Variants in MUC12 observed in about 807,000 individuals in gnomAD.
The protein encoded by MUC12 is mucin 12, cell surface associated.
A neutral mutation model predicts 230.8 loss-of-function variants in MUC12; 172 were observed. That is an observed-to-expected ratio of 0.75 (90% CI 0.66 to 0.85). MUC12 has a LOEUF of 0.85. Among genes scored for constraint, MUC12 ranks in the 40% least tolerant of loss-of-function variants. The pLI, the probability that MUC12 is intolerant of heterozygous loss-of-function variation, is 0.00. For missense variants in MUC12, 3,506 were observed against 5,920.6 expected (o/e 0.59, Z 13.38); for synonymous variants, 1,259 against 2,401.9 (o/e 0.52, Z 13.91).
rs1262796671 is a variant in MUC12, at chr7:101,014,059, A to C, written c.15785A>C (p.Gln5262Pro). Residue 5262 changes from glutamine (Q) to proline (P), a missense_variant, in exon 9 of 12, where the codon CAG (glutamine) becomes CCG (proline). Physicochemically the swap from Gln to Pro is moderately conservative, Grantham distance 76. Transcript: ENST00000536621. ...CTAATCATCTTATTCAGCCTATCCCAGAGAAAACGGCACAGGTGAGCTTGT... is the reference window on the plus strand; with the variant it reads ...CTAATCATCTTATTCAGCCTATCCCCGAGAAAACGGCACAGGTGAGCTTGT... ...IILIILFSLS[Q>P]RKRHREQYDV... 1 of 1,534,352 alleles carries C rather than the reference A, an allele frequency of 6.5e-7. No individual in the cohort carries two copies. The highest frequency in any genetic ancestry group is 1.4e-5 in the African/African-American group (1 of 72,954).
At chr7:101,009,323 T>C (rs927631104) in intron 5 of MUC12, among the ~76,000 whole-genome samples, 164 bp downstream of exon 5, 2 of 152,166 alleles carry the variant, frequency 1.3e-5, no homozygotes, top group African/African-American at 4.8e-5. Context: ...TCATTCTTCA[T>C]TCATTCATCC....
rs185061439 is a variant in MUC12, at chr7:101,008,579, G to C, written c.15059-55G>C. The C allele has an allele frequency of 7.8e-5, 118 of 1,517,350 alleles. 1 individual carries two copies. The African/African-American group carries it at 1.2e-3, about 15-fold the overall frequency. 94.0% of individuals were successfully genotyped at this position (1,517,350 alleles called of 1,614,324 possible). The stretch of plus-strand genomic sequence containing the variant: ...CACAGGCAGAGAATGTATCAATCCT[G>C]GGGGACATTATTGGGAGGTCGCTGT... On this transcript the variant is annotated intron_variant, in intron 3 of 11. Transcript: ENST00000536621.
Position 101,012,320 on chromosome 7 carries a change from C to T in MUC12, c.15276C>T (p.Asn5092=), listed in dbSNP as rs747508889. 8 of 1,537,210 alleles carry T rather than the reference C, an allele frequency of 5.2e-6. No homozygotes were observed. The highest frequency in any genetic ancestry group is 2.4e-5 in the East Asian group (1 of 40,916). The change falls in exon 6 of 12, where the codon AAC becomes AAT. Residue 5092 remains asparagine, a synonymous_variant. Coordinates refer to ENST00000536621, the MANE Select transcript of MUC12 (RefSeq NM_001164462.2). ...GCAACGGTAGCATCGTGGTCAAGAA[C>T]GATGTCATCCTGGAGGCAGACTACA... is the stretch of plus-strand genomic sequence containing the variant. ...RLLNGSIVVK[N]DVILEADYTL...
rs201703872 is a variant in MUC12 at position 100,991,969 on chromosome 7, C to A, written c.1406C>A (p.Pro469His). The A allele has an allele frequency of 1.6e-3, 2,522 of 1,536,772 alleles. No homozygotes were observed. Among genetic ancestry groups the A allele is most frequent in the Non-Finnish European group, 2.0e-3 (2,348 of 1,145,976 alleles). The stretch of plus-strand genomic sequence containing the variant: ...CTTGTTGGAGACTCGACGCCCTCAC[C>A]CATCAGTTCAGGCTCAATGGAAACC... Reference protein sequence around the residue: ...SVLVGDSTPSPISSGSMETTA... With the variant: ...SVLVGDSTPSHISSGSMETTA... Residue 469 changes from proline (P) to histidine (H), a missense_variant, in exon 2 of 12, where the codon CCC (proline) becomes CAC (histidine). Transcript: ENST00000536621.
chr7:100,971,413 G>A (rs1364018840), intron 1 of MUC12, among the ~76,000 whole-genome samples: 5 of 152,094 alleles, frequency 3.3e-5, no homozygotes, highest in African/African-American at 1.2e-4. Flanking sequence ...TGGTGAGGGG[G>A]CAGGGGAGCT....
In MUC12 at chr7:100,995,664, G is replaced by C. The variant is rs574818358; in HGVS notation, c.5101G>C (p.Ala1701Pro). 2 of 1,537,132 alleles carry C rather than the reference G, an allele frequency of 1.3e-6. No individual in the cohort carries two copies. The highest frequency in any genetic ancestry group is 2.4e-5 in the South Asian group (2 of 84,062). ...GCCAAGCTCAAAGGACACTATGCCT[G>C]CACCTCCTACTACCACATCAGCCTT... is the stretch of plus-strand genomic sequence containing the variant. ...SWPSSKDTMP[A>P]PPTTTSAFVE... The change falls in exon 2 of 12, where the codon GCA becomes CCA. Residue 1701 changes from alanine (A) to proline (P), a missense_variant. Ala to Pro is a conservative substitution (Grantham distance 27). Coordinates refer to ENST00000536621, the MANE Select transcript of MUC12 (RefSeq NM_001164462.2).
intron 1 of MUC12, 112 bp downstream of exon 1, chr7:100,969,801 G>A (rs1184082767): frequency 1.4e-6 from 2 of 1,455,112 alleles, no homozygotes; most frequent in East Asian, 2.5e-5. Context: ...TGCATGGCAA[G>A]GGGCTGCCAC....
At chr7:100,987,405 G>A (rs1396613717) in intron 1 of MUC12, among the ~76,000 whole-genome samples, 2 of 152,100 alleles carry the variant, frequency 1.3e-5, no homozygotes, top group African/African-American at 2.4e-5. Context: ...CCCTTTGAGT[G>A]GGCCTGAACC....
intron 8 of MUC12, 44 bp from the exon 9 acceptor site, chr7:101,013,869 T>C (rs1415729776): frequency 1.3e-6 from 2 of 1,503,536 alleles, no homozygotes; most frequent in Admixed American, 4.1e-5. Context: ...ATATTGGATG[T>C]GAGGGATCCC....
At chr7:100,984,583 T>G (rs1214821366) in intron 1 of MUC12, among the ~76,000 whole-genome samples, 2 of 151,130 alleles carry the variant, frequency 1.3e-5, no homozygotes. Context: ...TGTGTTTTTG[T>G]TTTTTTTTAA....
At chr7:100,988,018 G>T (rs187223430) in intron 1 of MUC12, among the ~76,000 whole-genome samples, 154 of 150,578 alleles carry the variant, frequency 1.0e-3, no homozygotes, top group Non-Finnish European at 2.0e-3. Flanking sequence ...GTGTGGCATT[G>T]GCTGGGCTTG....
chr7:100,976,818 A>C (rs755891184), intron 1 of MUC12, among the ~76,000 whole-genome samples: 17 of 152,228 alleles, frequency 1.1e-4, no homozygotes, highest in Non-Finnish European at 1.8e-4. Flanking sequence ...TGGGAGGTCA[A>C]GGCAGGCAGA....
chr7:100,992,015 C>A lies in MUC12; in HGVS notation c.1452C>A (p.Thr484=). 6.5e-7 allele frequency: 1 copy of A among 1,537,986 alleles called. No individual in the cohort carries two copies. The highest frequency in any genetic ancestry group is 8.7e-7 in the Non-Finnish European group (1 of 1,147,082). ...AAACCACAGCGTTACCCGGCAGTAC[C>A]ACAAAACCAGGCCTCAGTGAGAAAT... The part of the protein sequence containing the change: ...SMETTALPGS[T]TKPGLSEKST... Residue 484 remains threonine (T), a synonymous_variant, in exon 2 of 12, where the codon ACC becomes ACA. Transcript: ENST00000536621.
intron 1 of MUC12, among the ~76,000 whole-genome samples, chr7:100,971,191 AC>A (rs1792882029): frequency 2.0e-5 from 3 of 150,764 alleles, no homozygotes; most frequent in Non-Finnish European, 4.5e-5. Context: ...CAAAAAAAAA[AC>A]AAACCGTGGC....
In MUC12 at chr7:101,002,907, C is replaced by T. The variant is rs1297863144; in HGVS notation, c.12344C>T (p.Pro4115Leu). The change falls in exon 2 of 12, where the codon CCA (proline) becomes CTA (leucine). Residue 4115 changes from proline (P) to leucine (L), a missense_variant. Coordinates refer to ENST00000536621, the MANE Select transcript of MUC12 (RefSeq NM_001164462.2). ...TACCACAGCCGCCCGAGCTCAACTCCAACAACACACTTTTCTGCCAGTTCC... is the reference window on the plus strand; with the variant it reads ...TACCACAGCCGCCCGAGCTCAACTCTAACAACACACTTTTCTGCCAGTTCC... ...TTYHSRPSST[P>L]TTHFSASSTT... The T allele has an allele frequency of 1.6e-6, 2 of 1,222,532 alleles. No homozygotes were observed. The highest frequency in any genetic ancestry group is 2.3e-6 in the Non-Finnish European group (2 of 887,530). The allele number at this position is 1,222,532 out of a possible 1,614,324, so 75.7% of individuals were successfully genotyped here.
At chr7:101,011,826 T>C (rs568268928) in intron 5 of MUC12, among the ~76,000 whole-genome samples, 3 of 152,362 alleles carry the variant, frequency 2.0e-5, no homozygotes, top group South Asian at 2.1e-4. Flanking sequence ...CTTTTGGCTA[T>C]GGTAAATAAT....
Position 100,980,781 on chromosome 7 carries a change from G to T in MUC12, c.68-9850G>T, listed in dbSNP as rs746695107. The stretch of plus-strand genomic sequence containing the variant: ...CTACAAAACGTAAAAAATTAGCTGA[G>T]TATGGTGGGGCCTGTGGTCTCAGGT... On this transcript the variant is annotated intron_variant, in intron 1 of 11. Coordinates refer to ENST00000536621, the MANE Select transcript of MUC12 (RefSeq NM_001164462.2). Among the ~76,000 whole-genome samples the T allele has an allele frequency of 3.3e-5, 5 of 152,158 alleles. No individual in the cohort carries two copies. In the South Asian group the frequency reaches 1.0e-3, roughly 32 times the overall value.
chr7:101,005,475 CTT>C lies in MUC12; in HGVS notation c.14913_14914del (p.Ser4972TyrfsTer6). ...ACCTTCCACACCAGTCCAAGCTTCA[CTT>C]CTACAATTGTGTCTACTGAAAGCCT... On this transcript the variant is annotated frameshift_variant, in exon 2 of 12. Coordinates refer to ENST00000536621, the MANE Select transcript of MUC12 (RefSeq NM_001164462.2). LOFTEE classifies it high-confidence loss of function. The C allele has an allele frequency of 6.5e-7, 1 of 1,537,748 alleles. No homozygotes were observed. The highest frequency in any genetic ancestry group is 8.7e-7 in the Non-Finnish European group (1 of 1,146,994).
intron 10 of MUC12, chr7:101,017,277 C>T (rs1793945336): frequency 3.0e-6 from 1 of 328,830 alleles, no homozygotes; most frequent in Non-Finnish European, 5.6e-6. Context: ...TCCACTCTGA[C>T]CTCACCCCTG....
Sources: allele counts gnomAD v4.1 joint callset (sites outside exome capture counted in the v4.1 genomes callset), GRCh38; gene constraint gnomAD v4.1.1; transcripts MANE v1.5; gene names NCBI Gene and HGNC (gene_info 2026-07-23, HGNC 2026-07-21).